MLPH: variants seen among roughly 807,000 people sequenced by gnomAD.
MLPH encodes the protein melanophilin.
In MLPH, 51 loss-of-function variants were observed where a neutral mutation model predicts 72.1. That is an observed-to-expected ratio of 0.71 (90% CI 0.56 to 0.89). MLPH has a LOEUF of 0.89. Among genes scored for constraint, MLPH ranks in the 40% least tolerant of loss-of-function variants. The pLI, the probability that MLPH is intolerant of heterozygous loss-of-function variation, is 0.00. For synonymous variants in MLPH, 301 were observed against 310.1 expected (o/e 0.97, Z 0.31); for missense variants, 743 against 759.9 (o/e 0.98, Z 0.26).
intron 11 of MLPH, among the ~76,000 whole-genome samples, chr2:237,542,103 G>GGTGA (rs1282203561): frequency 2.0e-5 from 3 of 152,186 alleles, no homozygotes; most frequent in African/African-American, 7.2e-5. Flanking sequence ...CTGAGTAGGG[G>GGTGA]GTGATGGGGC....
rs1177617090 is a variant in MLPH at position 237,501,669 on chromosome 2, A to C, written c.110+8133A>C. Among the ~76,000 whole-genome samples the C allele has an allele frequency of 3.9e-4, 50 of 127,616 alleles. 1 individual carries two copies. Among genetic ancestry groups the C allele is most frequent in the African/African-American group, 1.9e-3 (46 of 24,490 alleles). The allele number at this position is 127,616 out of a possible 152,430, so 83.7% of individuals were successfully genotyped here. ...TAGTGAAACCACGTCTCTACTAAAA[A>C]AAAAAAAAAAAAAAAAAAAATACAA... On this transcript the variant is annotated intron_variant, in intron 2 of 15. Transcript: ENST00000264605.
chr2:237,493,391 G>A lies in MLPH; in HGVS notation c.-24-12G>A, dbSNP rs779637897. Reference sequence around the variant, plus strand: ...TCTGGGACTGATGACTTGTGATCCTGTGACATTCCAGGTGTGACCCCGACA... The same window carrying A: ...TCTGGGACTGATGACTTGTGATCCTATGACATTCCAGGTGTGACCCCGACA... On this transcript the variant is annotated splice_polypyrimidine_tract_variant and intron_variant, in intron 1 of 15. Transcript: ENST00000264605. 3.9e-6 allele frequency: 6 copies of A among 1,546,198 alleles called. No individual in the cohort carries two copies. The South Asian group carries it at 6.7e-5, about 17-fold the overall frequency.
At chr2:237,543,097 GACAGTGGTGAGTGGGGGT>G (rs1393463138) in intron 12 of MLPH, among the ~76,000 whole-genome samples, 29 of 78,428 alleles carry the variant, frequency 3.7e-4, no homozygotes, top group Non-Finnish European at 5.3e-4. Flanking sequence ...GGTGAGTGGG[GACAGTGGTGAGTGGGGGT>G]ACAGTGGTGA....
At chr2:237,497,823 G>T (rs1041357888) in intron 2 of MLPH, among the ~76,000 whole-genome samples, 2 of 152,212 alleles carry the variant, frequency 1.3e-5, no homozygotes, top group African/African-American at 4.8e-5. Context: ...GCGTCTCTCT[G>T]GGTGACATCC....
At chr2:237,545,471 G>T (rs1163047274) in intron 12 of MLPH, 5 of 1,288,588 alleles carry the variant, frequency 3.9e-6, no homozygotes, top group Admixed American at 2.3e-5. Context: ...TTTATGAGGG[G>T]ACTCTGAGCC....
At chr2:237,506,570 TGG>T (rs923683178) in intron 2 of MLPH, among the ~76,000 whole-genome samples, 3 of 152,134 alleles carry the variant, frequency 2.0e-5, no homozygotes, top group African/African-American at 7.2e-5. Flanking sequence ...GGTACGTGAC[TGG>T]GGGCTACATG....
At chr2:237,519,794 G>A in intron 5 of MLPH, 116 bp from the exon 6 acceptor site, 1 of 1,465,732 alleles carries the variant, frequency 6.8e-7, no homozygotes. Context: ...TGCTGGGAGA[G>A]GAGCCTGCCC....
At chr2:237,531,201 G>T (rs1175893767) in intron 8 of MLPH, among the ~76,000 whole-genome samples, 7 of 152,198 alleles carry the variant, frequency 4.6e-5, no homozygotes, top group Admixed American at 4.6e-4. Context: ...CCTTACATCA[G>T]GAAGTGGCTT....
At position 237,503,284 on chromosome 2, in the gene MLPH, GAA is replaced by G. The variant is rs1559338983; in HGVS notation, c.111-7289_111-7288del. On this transcript the variant is annotated intron_variant, in intron 2 of 15. Coordinates refer to ENST00000264605, the MANE Select transcript of MLPH (RefSeq NM_024101.7). ...CGCTGCCAAGGCAGGGCCTGGAGGG[GAA>G]CATTGGTCTGAGATGTTTTAGGAGA... Among the ~76,000 whole-genome samples, 3 of 152,272 alleles carry G rather than the reference GAA, an allele frequency of 2.0e-5. No homozygotes were observed. In the East Asian group the frequency reaches 5.8e-4, roughly 29 times the overall value.
intron 14 of MLPH, 149 bp from the exon 15 acceptor site, chr2:237,552,188 C>T (rs2081053190): frequency 1.5e-6 from 1 of 652,978 alleles, no homozygotes; most frequent in Non-Finnish European, 2.7e-6. Context: ...AATGTAAATA[C>T]TTTTTAAAAA....
At chr2:237,540,099 G>A (rs2080636932) in intron 9 of MLPH, among the ~76,000 whole-genome samples, 1 of 152,240 alleles carries the variant, frequency 6.6e-6, no homozygotes, top group Non-Finnish European at 1.5e-5. Context: ...AAAAAAATGT[G>A]GGTCTTAGAT....
At chr2:237,526,313 C>T (rs1472722250) in intron 7 of MLPH, among the ~76,000 whole-genome samples, 2 of 152,122 alleles carry the variant, frequency 1.3e-5, no homozygotes, top group African/African-American at 4.8e-5. Flanking sequence ...GGTGTATGTA[C>T]CATGGGTCCG....
chr2:237,497,928 G>A (rs1415311162), intron 2 of MLPH, among the ~76,000 whole-genome samples: 1 of 152,184 alleles, frequency 6.6e-6, no homozygotes, highest in Non-Finnish European at 1.5e-5. Flanking sequence ...GGACCACTAA[G>A]TAGGTGGCGG....
At chr2:237,546,545 C>A in intron 12 of MLPH, 61 bp from the exon 13 acceptor site, 1 of 1,448,876 alleles carries the variant, frequency 6.9e-7, no homozygotes, top group Non-Finnish European at 9.7e-7. Flanking sequence ...TGACCCATGC[C>A]CATGCTCCTC....
At chr2:237,545,163 TGGGG>T (rs138245970) in intron 12 of MLPH, among the ~76,000 whole-genome samples, 332 of 1,678 alleles carry the variant, frequency 0.2, 68 homozygotes, top group South Asian at 0.29. Flanking sequence ...CAGTGGTGAG[TGGGG>T]GGACAGTGGT....
chr2:237,518,336 T>C (rs2080097344), intron 4 of MLPH: 5 of 664,318 alleles, frequency 7.5e-6, no homozygotes, highest in Admixed American at 6.2e-5. Context: ...GATGAATAGA[T>C]TGATAAATAG....
chr2:237,518,582 C>T lies in MLPH; in HGVS notation c.489C>T (p.Asp163=). The T allele has an allele frequency of 6.2e-7, 1 of 1,613,892 alleles. No individual in the cohort carries two copies. The highest frequency in any genetic ancestry group is 8.5e-7 in the Non-Finnish European group (1 of 1,179,922). The change falls in exon 5 of 16, where the codon GAC becomes GAT. Residue 163 remains aspartate, a synonymous_variant. Coordinates refer to ENST00000264605, the MANE Select transcript of MLPH (RefSeq NM_024101.7). ...CTGAAGAGAGAAGTGGAGACAGCGA[C>T]CAGACAGATGAGGATGGAGAACCTG... ...LISEERSGDS[D]QTDEDGEPGS... is the part of the protein sequence containing the mutation.
At chr2:237,526,701 C>T (rs2080313097) in intron 7 of MLPH, among the ~76,000 whole-genome samples, 1 of 152,148 alleles carries the variant, frequency 6.6e-6, no homozygotes, top group East Asian at 1.9e-4. Flanking sequence ...TTTGGAGCCT[C>T]ACTCTGCCAG....
chr2:237,520,159 G>T, intron 6 of MLPH, 130 bp downstream of exon 6: 1 of 1,242,212 alleles, frequency 8.1e-7, no homozygotes, highest in Admixed American at 1.9e-5. Flanking sequence ...GGCTCCCAAG[G>T]CATGACAGGG....
Sources: allele counts gnomAD v4.1 joint callset (sites outside exome capture counted in the v4.1 genomes callset), GRCh38; gene constraint gnomAD v4.1.1; transcripts MANE v1.5; gene names NCBI Gene and HGNC (gene_info 2026-07-23, HGNC 2026-07-21).